CDH18: variants seen among roughly 807,000 people sequenced by gnomAD.
CDH18 encodes cadherin-18.
In CDH18, 31 loss-of-function variants were observed where a neutral mutation model predicts 67.9. The observed-to-expected ratio is 0.46, with a 90% CI of 0.34 to 0.62. The LOEUF is 0.62. Ranked by LOEUF, CDH18 falls within the 20% of genes least tolerant of loss-of-function variation. The probability of loss-of-function intolerance (pLI) is 0.01; values close to 1 mark genes in which losing one functional copy is unlikely to be tolerated. For missense variants in CDH18, 890 were observed against 975.5 expected (o/e 0.91, Z 1.17); for synonymous variants, 362 against 347.2 (o/e 1.04, Z -0.48).
At chr5:20,357,981 A>C (rs1338081879) in intron 1 of CDH18, among the ~76,000 whole-genome samples, 1 of 152,210 alleles carries the variant, frequency 6.6e-6, no homozygotes, top group Non-Finnish European at 1.5e-5. Context: ...AAAAAATGAA[A>C]TCATGTCCTT....
chr5:20,260,603 C>A (rs1393488568), intron 1 of CDH18, among the ~76,000 whole-genome samples: 2 of 152,106 alleles, frequency 1.3e-5, no homozygotes, highest in African/African-American at 4.8e-5. Context: ...TAGATTCCCA[C>A]CTCCTATTGT....
chr5:20,239,475 T>C (rs1248920090), intron 2 of CDH18, among the ~76,000 whole-genome samples: 1 of 151,692 alleles, frequency 6.6e-6, no homozygotes, highest in Admixed American at 6.6e-5. Flanking sequence ...AAAAATTAAA[T>C]AAATAAAGAA....
At chr5:19,936,781 T>C (rs889095555) in intron 2 of CDH18, among the ~76,000 whole-genome samples, 7 of 150,996 alleles carry the variant, frequency 4.6e-5, no homozygotes, top group Admixed American at 3.3e-4. Context: ...GTCCAATTCA[T>C]TTACTTATTT....
At chr5:19,479,964 TC>T (rs1237294997) in intron 12 of CDH18, among the ~76,000 whole-genome samples, 1 of 152,144 alleles carries the variant, frequency 6.6e-6, no homozygotes, top group Non-Finnish European at 1.5e-5. Context: ...GAAGTATCAT[TC>T]CATGAAAACA....
rs544495264 is a variant in CDH18 at position 20,500,020 on chromosome 5, AT to A, written c.-580+75441del. ...GCAGGTTTTTAAATTGTCACAGACC[AT>A]TGTAGATATATAGATAGAAATATCT... On this transcript the variant is annotated intron_variant, in intron 1 of 14. Transcript: ENST00000507958. 2.2e-4 allele frequency among the ~76,000 whole-genome samples: 34 copies of A among 152,260 alleles called. 1 individual carries two copies. The South Asian group carries it at 4.8e-3, about 21-fold the overall frequency.
At chr5:19,820,040 C>T (rs1182637033) in intron 3 of CDH18, among the ~76,000 whole-genome samples, 1 of 152,112 alleles carries the variant, frequency 6.6e-6, no homozygotes, top group Non-Finnish European at 1.5e-5. Flanking sequence ...AGTCCCAACC[C>T]TCCAGGGTTT....
At chr5:19,515,193 C>G (rs1579937788) in intron 10 of CDH18, among the ~76,000 whole-genome samples, 2 of 152,102 alleles carry the variant, frequency 1.3e-5, no homozygotes, top group African/African-American at 4.8e-5. Flanking sequence ...CTGTTCTGTT[C>G]CATTGGTCTA....
At chr5:19,570,163 T>G (rs1319035954) in intron 8 of CDH18, among the ~76,000 whole-genome samples, 1 of 152,122 alleles carries the variant, frequency 6.6e-6, no homozygotes, top group African/African-American at 2.4e-5. Flanking sequence ...GTCAAAAGTA[T>G]AATTAAAAAC....
At chr5:20,344,326 A>C (rs1481782802) in intron 1 of CDH18, among the ~76,000 whole-genome samples, 2 of 152,116 alleles carry the variant, frequency 1.3e-5, no homozygotes, top group Non-Finnish European at 2.9e-5. Context: ...CCTGGAACCC[A>C]AAGAATGGGA....
intron 5 of CDH18, among the ~76,000 whole-genome samples, chr5:19,629,084 C>G (rs1195627937): frequency 6.6e-6 from 1 of 152,140 alleles, no homozygotes; most frequent in Non-Finnish European, 1.5e-5. Context: ...AGAACTGTGG[C>G]AGTCTGCCCT....
chr5:19,994,204 TC>T (rs1393818402), intron 2 of CDH18, among the ~76,000 whole-genome samples: 2 of 151,898 alleles, frequency 1.3e-5, no homozygotes, highest in African/African-American at 4.8e-5. Context: ...GGGGTGTATA[TC>T]TATATGTGTG....
intron 2 of CDH18, among the ~76,000 whole-genome samples, chr5:20,242,925 A>G (rs1243927506): frequency 1.3e-5 from 2 of 151,950 alleles, no homozygotes; most frequent in African/African-American, 4.8e-5. Flanking sequence ...GAAAACAATC[A>G]TCACTGTATT....
At chr5:20,088,064 A>G (rs1245124510) in intron 2 of CDH18, among the ~76,000 whole-genome samples, 1 of 152,240 alleles carries the variant, frequency 6.6e-6, no homozygotes, top group African/African-American at 2.4e-5. Context: ...AAGAAATGCT[A>G]CAATTAAAAG....
rs184835998 is a variant in CDH18 at position 20,524,098 on chromosome 5, A to G, written c.-580+51364T>C. ...TCTTTTCTATCCAATGATTTAAGAC[A>G]TTTGATTATAAACATTGTTACTCAC... is the stretch of plus-strand genomic sequence containing the variant. On this transcript the variant is annotated intron_variant, in intron 1 of 14. Coordinates refer to the CDH18 transcript ENST00000507958. 2.9e-3 allele frequency among the ~76,000 whole-genome samples: 445 copies of G among 152,306 alleles called. 4 individuals carry two copies. The highest frequency in any genetic ancestry group is 1.0e-2 in the African/African-American group (415 of 41,580).
intron 1 of CDH18, among the ~76,000 whole-genome samples, chr5:20,408,150 CA>C (rs1209805372): frequency 6.6e-6 from 1 of 151,996 alleles, no homozygotes; most frequent in African/African-American, 2.4e-5. Context: ...ATCCCATAAC[CA>C]GCAAAATTGT....
intron 2 of CDH18, among the ~76,000 whole-genome samples, chr5:19,873,219 G>T: frequency 7.3e-6 from 1 of 137,104 alleles, no homozygotes; most frequent in East Asian, 2.1e-4. Context: ...AAAAAAAAAA[G>T]CCTGAACAAG....
At chr5:19,846,976 T>G (rs1783049238) in intron 2 of CDH18, among the ~76,000 whole-genome samples, 1 of 152,128 alleles carries the variant, frequency 6.6e-6, no homozygotes, top group African/African-American at 2.4e-5. Context: ...CTGGCCTTTA[T>G]GATTTCTGCT....
At chr5:20,282,727 T>A in intron 1 of CDH18, among the ~76,000 whole-genome samples, 1 of 152,162 alleles carries the variant, frequency 6.6e-6, no homozygotes, top group South Asian at 2.1e-4. Context: ...GATGCTGGCC[T>A]CATCAAATGA....
intron 7 of CDH18, among the ~76,000 whole-genome samples, chr5:19,574,239 A>G (rs971151410): frequency 2.0e-5 from 3 of 152,160 alleles, no homozygotes; most frequent in African/African-American, 7.2e-5. Flanking sequence ...ACCTACTGCT[A>G]CGGTGCAGGC....
Sources: gnomAD v4.1 joint callset for allele counts (sites outside exome capture counted in the v4.1 genomes callset) on GRCh38, gnomAD v4.1.1 for gene constraint, MANE v1.5 for transcripts, NCBI Gene and HGNC (gene_info 2026-07-23, HGNC 2026-07-21) for gene names.